GSK3B: variants seen among roughly 807,000 people sequenced by gnomAD.
GSK3B encodes the protein glycogen synthase kinase-3 beta.
Under a neutral mutation model 56.4 loss-of-function variants are expected in GSK3B, and 15 were observed. The observed-to-expected ratio is 0.27, with a 90% CI of 0.18 to 0.41. The LOEUF is 0.41. Ranked by LOEUF, GSK3B falls within the 10% of genes least tolerant of loss-of-function variation. The pLI is 1.00. For missense variants in GSK3B, 300 were observed against 513.4 expected, an observed-to-expected ratio of 0.58 and a Z score of 4.02; for synonymous variants, 181 against 188.9, an observed-to-expected ratio of 0.96 and a Z score of 0.34.
At position 119,824,593 on chromosome 3, in the gene GSK3B, A is replaced by G. The variant is rs2055471709; in HGVS notation, c.*2195T>C. 4.9e-6 allele frequency: 1 copy of G among 206,140 alleles called. No homozygotes were observed. The highest frequency in any genetic ancestry group is 7.3e-5 in the East Asian group (1 of 13,644). 12.8% of individuals were successfully genotyped at this position (206,140 alleles called of 1,614,324 possible). ...GATTCTTTATAAATTCTGTCTGAAA[A>G]TGGTCTATCAACGCCACTACCTTTA... On this transcript the variant is annotated 3_prime_UTR_variant, in exon 11 of 11. Coordinates refer to ENST00000264235, the MANE Select transcript of GSK3B (RefSeq NM_001146156.2).
At chr3:119,985,287 T>C (rs965471221) in intron 2 of GSK3B, among the ~76,000 whole-genome samples, 21 of 152,190 alleles carry the variant, frequency 1.4e-4, no homozygotes, top group African/African-American at 5.1e-4. Context: ...AAGACAAGGA[T>C]GCCCTCTCTC....
chr3:120,039,123 A>G (rs1487286216), intron 1 of GSK3B, among the ~76,000 whole-genome samples: 1 of 152,236 alleles, frequency 6.6e-6, no homozygotes, highest in Non-Finnish European at 1.5e-5. Flanking sequence ...GGAATTGTAA[A>G]TTAAAACAAT....
At chr3:120,038,435 G>A (rs981178591) in intron 1 of GSK3B, among the ~76,000 whole-genome samples, 1 of 152,080 alleles carries the variant, frequency 6.6e-6, no homozygotes, top group Non-Finnish European at 1.5e-5. Context: ...GGCTGAGATG[G>A]CAGCACTGAT....
intron 3 of GSK3B, among the ~76,000 whole-genome samples, chr3:119,923,923 C>G (rs1443591490): frequency 6.6e-6 from 1 of 152,166 alleles, no homozygotes; most frequent in Non-Finnish European, 1.5e-5. Context: ...GTGTGCAAGT[C>G]ACTTGCATCT....
chr3:119,906,106 T>G (rs980549944), intron 6 of GSK3B, among the ~76,000 whole-genome samples: 1 of 152,126 alleles, frequency 6.6e-6, no homozygotes, highest in Non-Finnish European at 1.5e-5. Context: ...AAATTTCAGG[T>G]ATTCAAGTCT....
At chr3:119,860,327 T>TG (rs758209323) in intron 9 of GSK3B, among the ~76,000 whole-genome samples, 2 of 151,892 alleles carry the variant, frequency 1.3e-5, no homozygotes, top group Non-Finnish European at 2.9e-5. Flanking sequence ...AAGAAGGGGG[T>TG]GTGCCAAAGG....
chr3:120,015,492 T>C (rs888214180), intron 1 of GSK3B, among the ~76,000 whole-genome samples: 3 of 150,734 alleles, frequency 2.0e-5, no homozygotes, highest in Non-Finnish European at 4.4e-5. Flanking sequence ...CTACCAAAGA[T>C]ACAAAAAATT....
chr3:119,837,401 G>T (rs1291193717), intron 10 of GSK3B, among the ~76,000 whole-genome samples: 1 of 150,306 alleles, frequency 6.7e-6, no homozygotes, highest in African/African-American at 2.5e-5. Context: ...TCTTGACCTC[G>T]TGATCCACCC....
At chr3:119,927,587 A>AAAT (rs1308039402) in intron 3 of GSK3B, among the ~76,000 whole-genome samples, 1 of 152,228 alleles carries the variant, frequency 6.6e-6, no homozygotes, top group Non-Finnish European at 1.5e-5. Flanking sequence ...TTTGAAGGAA[A>AAAT]AATTATTTGA....
chr3:119,880,171 G>A (rs2056364250), intron 7 of GSK3B, among the ~76,000 whole-genome samples: 1 of 152,116 alleles, frequency 6.6e-6, no homozygotes, highest in Non-Finnish European at 1.5e-5. Context: ...TTTATCTGGG[G>A]TGAGATGATA....
intron 2 of GSK3B, among the ~76,000 whole-genome samples, chr3:119,980,864 A>C (rs146842566): frequency 6.6e-6 from 1 of 152,312 alleles, no homozygotes; most frequent in Non-Finnish European, 1.5e-5. Flanking sequence ...TATATGGTAA[A>C]TTCTTGTCCT....
intron 1 of GSK3B, among the ~76,000 whole-genome samples, chr3:120,008,685 T>C (rs1052071851): frequency 1.3e-5 from 2 of 152,138 alleles, no homozygotes; most frequent in African/African-American, 4.8e-5. Flanking sequence ...ACCCCTTCCT[T>C]ACACCTTATA....
At chr3:120,017,965 A>G (rs2057841154) in intron 1 of GSK3B, among the ~76,000 whole-genome samples, 1 of 152,226 alleles carries the variant, frequency 6.6e-6, no homozygotes, top group Non-Finnish European at 1.5e-5. Flanking sequence ...CACCCTCTTA[A>G]AAGAGTGAAG....
At chr3:120,073,165 T>C (rs538174245) in intron 1 of GSK3B, among the ~76,000 whole-genome samples, 162 of 148,032 alleles carry the variant, frequency 1.1e-3, no homozygotes, top group African/African-American at 3.6e-3. Context: ...GGCAGAAGAA[T>C]TGCTTAAGCC....
intron 2 of GSK3B, among the ~76,000 whole-genome samples, chr3:119,962,289 C>T (rs144635429): frequency 0.026 from 3,925 of 151,226 alleles, 172 homozygotes; most frequent in African/African-American, 0.089. Flanking sequence ...GCAGGAGAAT[C>T]GCTTGAACCT....
rs1486838295 is a variant in GSK3B at position 119,875,996 on chromosome 3, C to T, written c.909+417G>A. Reference sequence around the variant, plus strand: ...AACAAGAGAGGAAAAACACAAAATGCCATCTATAATAAGATATATGTTTTA... The same window carrying T: ...AACAAGAGAGGAAAAACACAAAATGTCATCTATAATAAGATATATGTTTTA... On this transcript the variant is annotated intron_variant, in intron 8 of 10. Transcript: ENST00000264235. Among the ~76,000 whole-genome samples the T allele has an allele frequency of 2.0e-5, 3 of 151,822 alleles. No homozygotes were observed. In the East Asian group the frequency reaches 5.8e-4, roughly 29 times the overall value.
intron 2 of GSK3B, among the ~76,000 whole-genome samples, chr3:119,982,187 TA>T (rs2057469854): frequency 6.6e-6 from 1 of 152,012 alleles, no homozygotes. Context: ...AAAGGACATC[TA>T]CACCAAAACC....
chr3:119,947,191 G>C, intron 3 of GSK3B, 77 bp downstream of exon 3: 1 of 866,392 alleles, frequency 1.2e-6, no homozygotes. Flanking sequence ...AACTGTCTAT[G>C]AGCGGTGGGG....
At chr3:119,964,134 A>G (rs1307800460) in intron 2 of GSK3B, among the ~76,000 whole-genome samples, 1 of 152,240 alleles carries the variant, frequency 6.6e-6, no homozygotes, top group Admixed American at 6.5e-5. Flanking sequence ...TTCAGAAAAT[A>G]TAACAAACTC....
Sources: gnomAD v4.1 joint callset for allele counts (sites outside exome capture counted in the v4.1 genomes callset) on GRCh38, gnomAD v4.1.1 for gene constraint, MANE v1.5 for transcripts, NCBI Gene and HGNC (gene_info 2026-07-23, HGNC 2026-07-21) for gene names.